TBX4: variants seen among roughly 807,000 people sequenced by gnomAD.
TBX4 encodes T-box transcription factor TBX4.
TBX4 carries 13 observed loss-of-function variants against 54.6 expected under a neutral mutation model. The ratio of observed to expected loss-of-function variants is 0.24; its 90% CI spans 0.15 to 0.38. TBX4 has a LOEUF of 0.38. Ranked by LOEUF, TBX4 falls within the 10% of genes least tolerant of loss-of-function variation. The pLI is 1.00. For synonymous variants in TBX4, 314 were observed against 306.7 expected, an observed-to-expected ratio of 1.02 and a Z score of -0.25; for missense variants, 631 against 728.5, an observed-to-expected ratio of 0.87 and a Z score of 1.54.
At position 61,475,994 on chromosome 17, in the gene TBX4, G is replaced by A. The variant is rs937536998; in HGVS notation, c.550-2633G>A. On this transcript the variant is annotated intron_variant, in intron 5 of 8. Coordinates refer to ENST00000644296, the MANE Select transcript of TBX4 (RefSeq NM_001321120.2). The surrounding 1 kb of genome is among the most constrained non-coding windows in gnomAD (Gnocchi z 5.0). ...AGCAAGCAAAGACCAGAGAGGAGGG[G>A]ACTTGCCCACGTTCCCACGGAGGGT... is the stretch of plus-strand genomic sequence containing the variant. Among the ~76,000 whole-genome samples the A allele has an allele frequency of 2.0e-5, 3 of 152,116 alleles. No homozygotes were observed. Among genetic ancestry groups the A allele is most frequent in the Non-Finnish European group, 4.4e-5 (3 of 68,022 alleles).
chr17:61,456,915 T>C (rs1026060502), intron 2 of TBX4, among the ~76,000 whole-genome samples: 3 of 152,068 alleles, frequency 2.0e-5, no homozygotes, highest in African/African-American at 4.8e-5. Flanking sequence ...GAGCTAGAGA[T>C]AGAGGAGAGG....
chr17:61,457,526 C>T lies in TBX4; in HGVS notation c.187-11C>T, dbSNP rs950799669. 6.2e-7 allele frequency: 1 copy of T among 1,613,172 alleles called. No individual in the cohort carries two copies. On this transcript the variant is annotated splice_polypyrimidine_tract_variant and intron_variant, in intron 2 of 8. Coordinates refer to ENST00000644296, the MANE Select transcript of TBX4 (RefSeq NM_001321120.2). This position sits in a 1 kb window ranked among gnomAD's most constrained non-coding sequence, Gnocchi z 8.2. ...CTGGCAGACACAAGTTTCTCTCCCT[C>T]CCATCCCCAGACCATCGAGAACATC...
chr17:61,457,638 G>A lies in TBX4; in HGVS notation c.281+7G>A, dbSNP rs376627101. On this transcript the variant is annotated splice_region_variant and intron_variant, in intron 3 of 8. Transcript: ENST00000644296. The surrounding 1 kb of genome is among the most constrained non-coding windows in gnomAD (Gnocchi z 8.2). ...TCATCACTAAGGCTGGCAGGTCAGC[G>A]CTGGGAGATTTACTTCCGGGGATGG... 2 of 1,613,618 alleles carry A rather than the reference G, an allele frequency of 1.2e-6. No homozygotes were observed. The highest frequency in any genetic ancestry group is 1.7e-6 in the Non-Finnish European group (2 of 1,179,750).
Position 61,480,140 on chromosome 17 carries a change from C to T in TBX4, c.842C>T (p.Ser281Phe), listed in dbSNP as rs1380360132. 6.2e-7 allele frequency: 1 copy of T among 1,614,094 alleles called. No homozygotes were observed. Residue 281 changes from serine (S) to phenylalanine (F), a missense_variant, in exon 8 of 9, where the codon TCC becomes TTC. Ser to Phe is a radical substitution (Grantham distance 155). Coordinates refer to ENST00000644296, the MANE Select transcript of TBX4 (RefSeq NM_001321120.2). This position sits in a 1 kb window ranked among gnomAD's most constrained non-coding sequence, Gnocchi z 6.2. Reference sequence around the variant, plus strand: ...AGCATCATGAGGCAGAGGCTCATCTCCCCCCAGCTCTCAGCCACACCGGAC... The same window carrying T: ...AGCATCATGAGGCAGAGGCTCATCTTCCCCCAGCTCTCAGCCACACCGGAC... ...SKSIMRQRLISPQLSATPDVG... is the reference protein window; with the variant it reads ...SKSIMRQRLIFPQLSATPDVG...
Position 61,466,191 on chromosome 17 carries a change from C to T in TBX4, c.401+253C>T, listed in dbSNP as rs568004659. ...TGGGAGTTTGGTGGATCGCAAGGGT[C>T]TGTACTCTCCTTATGGCCGTGGGTA... is the stretch of plus-strand genomic sequence containing the variant. On this transcript the variant is annotated intron_variant, in intron 4 of 8. Transcript: ENST00000644296. Among the ~76,000 whole-genome samples, 2 of 152,268 alleles carry T rather than the reference C, an allele frequency of 1.3e-5. 1 individual carries two copies. The highest frequency in any genetic ancestry group is 4.8e-5 in the African/African-American group (2 of 41,542).
Position 61,476,768 on chromosome 17 carries a change from C to A in TBX4, c.550-1859C>A, listed in dbSNP as rs1425785467. Among the ~76,000 whole-genome samples the A allele has an allele frequency of 6.6e-6, 1 of 152,168 alleles. No individual in the cohort carries two copies. The highest frequency in any genetic ancestry group is 2.4e-5 in the African/African-American group (1 of 41,418). On this transcript the variant is annotated intron_variant, in intron 5 of 8. Coordinates refer to ENST00000644296, the MANE Select transcript of TBX4 (RefSeq NM_001321120.2). The surrounding 1 kb of genome is among the most constrained non-coding windows in gnomAD (Gnocchi z 6.5). The stretch of plus-strand genomic sequence containing the variant: ...CACTGAGGGCTGAGGCGGGAGTGGC[C>A]AGTGCAGAAGGCAGAAAGTGTGGTT...
At chr17:61,455,737 T>C (rs1323782603) in intron 1 of TBX4, among the ~76,000 whole-genome samples, 1 of 152,076 alleles carries the variant, frequency 6.6e-6, no homozygotes, top group East Asian at 1.9e-4. Flanking sequence ...GAGCACCAGG[T>C]AGGGGAGGCC....
At chr17:61,467,846 T>C (rs2060547427) in intron 5 of TBX4, among the ~76,000 whole-genome samples, 189 bp downstream of exon 5, 1 of 152,202 alleles carries the variant, frequency 6.6e-6, no homozygotes, top group African/African-American at 2.4e-5. Context: ...TCCCGGCCAC[T>C]TACTGGCTGG....
Position 61,483,816 on chromosome 17 carries a change from G to C in TBX4, c.*300G>C. ...CTTGACATGCCCGTGGGTGGGATGG[G>C]AGTGGAGGGTTCATATGAGTTATTG... On this transcript the variant is annotated 3_prime_UTR_variant, in exon 9 of 9. Transcript: ENST00000644296. This position sits in a 1 kb window ranked among gnomAD's most constrained non-coding sequence, Gnocchi z 6.6. 4.7e-6 allele frequency: 2 copies of C among 424,126 alleles called. No homozygotes were observed. Among genetic ancestry groups the C allele is most frequent in the Non-Finnish European group, 8.9e-6 (2 of 225,600 alleles). 26.3% of individuals were successfully genotyped at this position (424,126 alleles called of 1,614,324 possible).
At position 61,483,547 on chromosome 17, in the gene TBX4, G is replaced by A. The variant is rs544357700; in HGVS notation, c.*31G>A. The A allele has an allele frequency of 8.1e-6, 13 of 1,613,476 alleles. No individual in the cohort carries two copies. The highest frequency in any genetic ancestry group is 2.7e-5 in the African/African-American group (2 of 74,804). On this transcript the variant is annotated 3_prime_UTR_variant, in exon 9 of 9. Transcript: ENST00000644296. This position sits in a 1 kb window ranked among gnomAD's most constrained non-coding sequence, Gnocchi z 6.6. ...ACGTCTCCTCCATAGCCCCGGGACC[G>A]TGTTGCTCCAGTATTAACCTCTGTG... is the stretch of plus-strand genomic sequence containing the variant.
rs1221371195 is a variant in TBX4, at chr17:61,476,476, C to A, written c.550-2151C>A. ...AACGTGGGTCCTTTGTGGATGCCTG[C>A]AGCTCTGTGAATAGTGCACGGTGAT... On this transcript the variant is annotated intron_variant, in intron 5 of 8. Coordinates refer to ENST00000644296, the MANE Select transcript of TBX4 (RefSeq NM_001321120.2). This position sits in a 1 kb window ranked among gnomAD's most constrained non-coding sequence, Gnocchi z 6.5. Among the ~76,000 whole-genome samples the A allele has an allele frequency of 6.6e-6, 1 of 152,240 alleles. No homozygotes were observed. The highest frequency in any genetic ancestry group is 2.4e-5 in the African/African-American group (1 of 41,460).
chr17:61,468,233 T>A (rs1312758073), intron 5 of TBX4, among the ~76,000 whole-genome samples: 3 of 152,212 alleles, frequency 2.0e-5, no homozygotes, highest in African/African-American at 7.2e-5. Context: ...TTTGGCCTGG[T>A]CCTTACAGAA....
In TBX4 at chr17:61,461,680, G is replaced by C. The variant is rs1282373676; in HGVS notation, c.281+4049G>C. ...AGACTTGCACAAAATAAACACACTC[G>C]TGTAACCTTCATCCAGATAAAGAAA... is the stretch of plus-strand genomic sequence containing the variant. On this transcript the variant is annotated intron_variant, in intron 3 of 8. Coordinates refer to ENST00000644296, the MANE Select transcript of TBX4 (RefSeq NM_001321120.2). The surrounding 1 kb of genome is among the most constrained non-coding windows in gnomAD (Gnocchi z 5.1). 6.6e-6 allele frequency among the ~76,000 whole-genome samples: 1 copy of C among 152,102 alleles called. No individual in the cohort carries two copies. Among genetic ancestry groups the C allele is most frequent in the Non-Finnish European group, 1.5e-5 (1 of 68,024 alleles).
chr17:61,452,807 CCTCT>C, intron 1 of TBX4: 2 of 664,414 alleles, frequency 3.0e-6, no homozygotes, highest in Non-Finnish European at 3.7e-6. Context: ...CACGAGCCCT[CCTCT>C]CTGAGTAACG....
Position 61,483,238 on chromosome 17 carries a change from C to T in TBX4, c.1363C>T (p.Arg455Trp), listed in dbSNP as rs370445781. Residue 455 changes from arginine (R) to tryptophan (W), a missense_variant, in exon 9 of 9, where the codon CGG becomes TGG. By Grantham distance (101) the Arg-to-Trp change is moderately radical. Transcript: ENST00000644296. This position sits in a 1 kb window ranked among gnomAD's most constrained non-coding sequence, Gnocchi z 6.6. The part of the protein sequence containing the change: ...THFTATTMMP[R>W]LPTLSAQSSQ... Reference sequence around the variant, plus strand: ...CTTCACCGCCACCACCATGATGCCGCGGCTGCCCACCCTCTCCGCTCAGAG... The same window carrying T: ...CTTCACCGCCACCACCATGATGCCGTGGCTGCCCACCCTCTCCGCTCAGAG... 51 of 1,614,062 alleles carry T rather than the reference C, an allele frequency of 3.2e-5. No homozygotes were observed. Among genetic ancestry groups the T allele is most frequent in the African/African-American group, 4.0e-5 (3 of 74,922 alleles).
chr17:61,456,635 G>A lies in TBX4; in HGVS notation c.145G>A (p.Gly49Arg). 7.3e-7 allele frequency: 1 copy of A among 1,360,766 alleles called. No homozygotes were observed. The highest frequency in any genetic ancestry group is 9.5e-7 in the Non-Finnish European group (1 of 1,056,556). The allele number at this position is 1,360,766 out of a possible 1,614,324, so 84.3% of individuals were successfully genotyped here. Residue 49 changes from glycine to arginine, a missense_variant, in exon 2 of 9, where the codon GGA (glycine) becomes AGA (arginine). Gly to Arg is a moderately radical substitution (Grantham distance 125). Around this residue, in one of 3 missense-constraint regions of TBX4, gnomAD observed 123 missense variants for 120.9 expected, o/e 1.02. Coordinates refer to ENST00000644296, the MANE Select transcript of TBX4 (RefSeq NM_001321120.2). ...LSGAALGSPP[G>R]PGADVVAAAA... ...CGGAGCCGCGCTAGGCAGCCCCCCG[G>A]GACCCGGGGCCGACGTCGTCGCCGC...
rs1400706982 is a variant in TBX4, at chr17:61,461,577, A to G, written c.281+3946A>G. Among the ~76,000 whole-genome samples, 1 of 152,222 alleles carries G rather than the reference A, an allele frequency of 6.6e-6. No individual in the cohort carries two copies. The highest frequency in any genetic ancestry group is 1.5e-5 in the Non-Finnish European group (1 of 68,048). Reference sequence around the variant, plus strand: ...GGCGCCTGTGTATGTGTACACACATATATAATTTTTAACCTAAATGTATTG... The same window carrying G: ...GGCGCCTGTGTATGTGTACACACATGTATAATTTTTAACCTAAATGTATTG... On this transcript the variant is annotated intron_variant, in intron 3 of 8. Coordinates refer to ENST00000644296, the MANE Select transcript of TBX4 (RefSeq NM_001321120.2). This position sits in a 1 kb window ranked among gnomAD's most constrained non-coding sequence, Gnocchi z 5.1.
Position 61,464,748 on chromosome 17 carries a change from C to T in TBX4, c.282-1071C>T, listed in dbSNP as rs1195798388. Among the ~76,000 whole-genome samples the T allele has an allele frequency of 6.6e-6, 1 of 152,100 alleles. No homozygotes were observed. The highest frequency in any genetic ancestry group is 2.4e-5 in the African/African-American group (1 of 41,426). On this transcript the variant is annotated intron_variant, in intron 3 of 8. Coordinates refer to ENST00000644296, the MANE Select transcript of TBX4 (RefSeq NM_001321120.2). This position sits in a 1 kb window ranked among gnomAD's most constrained non-coding sequence, Gnocchi z 5.8. The stretch of plus-strand genomic sequence containing the variant: ...CTAGTGACTAGGGGAGGGAGCTGTG[C>T]CCAGAGCGTTTGTGTATGCGCTGTG...
chr17:61,466,383 C>T (rs893235764), intron 4 of TBX4, among the ~76,000 whole-genome samples: 1 of 152,202 alleles, frequency 6.6e-6, no homozygotes, highest in East Asian at 1.9e-4. Flanking sequence ...TCTCCATGTT[C>T]TCCTTGGCTT....
Sources: gnomAD v4.1 joint callset for allele counts (sites outside exome capture counted in the v4.1 genomes callset) on GRCh38, gnomAD v4.1.1 for gene constraint, gnomAD v4.1.1 regional missense constraint, Gnocchi (gnomAD v3.1) non-coding constraint, MANE v1.5 for transcripts, NCBI Gene and HGNC (gene_info 2026-07-23, HGNC 2026-07-21) for gene names.